NELL2: variants seen among roughly 807,000 people sequenced by gnomAD.
NELL2 encodes protein kinase C-binding protein NELL2.
A neutral mutation model predicts 109.6 loss-of-function variants in NELL2; 41 were observed. The observed-to-expected ratio is 0.37, with a 90% CI of 0.29 to 0.49. The LOEUF (loss-of-function observed/expected upper bound fraction) is 0.49, where lower values mean the gene tolerates loss of function less well. Among genes scored for constraint, NELL2 ranks in the 20% least tolerant of loss-of-function variants. The probability of loss-of-function intolerance (pLI) is 0.98; values close to 1 mark genes in which losing one functional copy is unlikely to be tolerated. For synonymous variants in NELL2, 355 were observed against 344.7 expected, an observed-to-expected ratio of 1.03 and a Z score of -0.33; for missense variants, 900 against 1,008.3, an observed-to-expected ratio of 0.89 and a Z score of 1.45.
At chr12:44,795,548 T>C (rs1320062102) in intron 3 of NELL2, among the ~76,000 whole-genome samples, 2 of 152,150 alleles carry the variant, frequency 1.3e-5, no homozygotes, top group Admixed American at 6.6e-5. Flanking sequence ...CAATTTGGCA[T>C]CATTTATAAG....
chr12:44,715,848 A>AT (rs1938457199), intron 9 of NELL2, among the ~76,000 whole-genome samples: 1 of 152,200 alleles, frequency 6.6e-6, no homozygotes, highest in Admixed American at 6.6e-5. Context: ...CACTGTGTGA[A>AT]TTATGAGAAA....
rs1265767948 is a variant in NELL2, at chr12:44,644,625, TACATAC to T, written c.1444+20853_1444+20858del. The stretch of plus-strand genomic sequence containing the variant: ...ATATGTATGTATATATATATATATA[TACATAC>T]ATATATATATATATATATACACACA... On this transcript the variant is annotated intron_variant, in intron 13 of 19. Coordinates refer to ENST00000429094, the MANE Select transcript of NELL2 (RefSeq NM_001145108.2). Among the ~76,000 whole-genome samples, 47 of 98,702 alleles carry T rather than the reference TACATAC, an allele frequency of 4.8e-4. No individual in the cohort carries two copies. In the East Asian group the frequency reaches 8.5e-3, roughly 18 times the overall value. The allele number at this position is 98,702 out of a possible 152,430, so 64.8% of individuals were successfully genotyped here.
chr12:44,659,620 A>G (rs1005430799), intron 13 of NELL2, among the ~76,000 whole-genome samples: 2 of 152,226 alleles, frequency 1.3e-5, no homozygotes, highest in African/African-American at 4.8e-5. Flanking sequence ...TCTGGTCATT[A>G]GTGATAACTT....
At chr12:44,793,299 A>T (rs554428375) in intron 3 of NELL2, among the ~76,000 whole-genome samples, 2 of 152,352 alleles carry the variant, frequency 1.3e-5, no homozygotes, top group East Asian at 3.9e-4. Context: ...GACACCAGCC[A>T]GAGAGTCCCT....
chr12:44,775,339 G>A (rs1381122785), intron 8 of NELL2, among the ~76,000 whole-genome samples: 4 of 149,166 alleles, frequency 2.7e-5, no homozygotes, highest in Non-Finnish European at 1.5e-5. Flanking sequence ...GATGAACTTT[G>A]AGAAATTTTT....
intron 1 of NELL2, among the ~76,000 whole-genome samples, chr12:44,901,351 A>G (rs770236333): frequency 6.6e-6 from 1 of 152,254 alleles, no homozygotes; most frequent in Non-Finnish European, 1.5e-5. Context: ...TAAACCAGGA[A>G]GAAGTCGAAT....
Position 44,743,015 on chromosome 12 carries a change from T to C in NELL2, c.995-28274A>G, listed in dbSNP as rs572078000. ...ACGTAATTGTCAGATTCACCAAAGT[T>C]GAAATGAAGGAAAAAATGTTAAGGG... On this transcript the variant is annotated intron_variant, in intron 9 of 19. Transcript: ENST00000429094. Among the ~76,000 whole-genome samples the C allele has an allele frequency of 5.3e-3, 804 of 151,758 alleles. 8 individuals are homozygous for C. The highest frequency in any genetic ancestry group is 0.018 in the African/African-American group (754 of 41,384).
intron 3 of NELL2, among the ~76,000 whole-genome samples, chr12:44,784,383 A>T (rs1370567300): frequency 6.6e-6 from 1 of 152,142 alleles, no homozygotes; most frequent in Non-Finnish European, 1.5e-5. Context: ...AATACAGAAT[A>T]GAAAGGAAGA....
chr12:44,569,292 AT>A lies in NELL2; in HGVS notation c.1664-36572del, dbSNP rs1270276201. 1.9e-4 allele frequency among the ~76,000 whole-genome samples: 29 copies of A among 152,256 alleles called. 1 individual carries two copies. In the South Asian group the frequency reaches 3.9e-3, roughly 21 times the overall value. ...CTTATGCAGTCTACCATTAATGAGT[AT>A]TTAGGTTGATTCCATGTTTTCACTA... On this transcript the variant is annotated intron_variant, in intron 15 of 19. Transcript: ENST00000429094.
chr12:44,921,441 G>A (rs1483097948), intron 1 of NELL2, among the ~76,000 whole-genome samples: 1 of 152,142 alleles, frequency 6.6e-6, no homozygotes, highest in Non-Finnish European at 1.5e-5. Context: ...ATAGCAAGAT[G>A]GGTCAGAGAG....
intron 5 of NELL2, 90 bp from the exon 6 acceptor site, chr12:44,777,404 G>A (rs1374640011): frequency 2.0e-6 from 2 of 986,588 alleles, no homozygotes; most frequent in Non-Finnish European, 3.2e-6. Flanking sequence ...AAATATTACA[G>A]AACACACTCA....
At chr12:44,583,176 C>T (rs758294549) in intron 15 of NELL2, among the ~76,000 whole-genome samples, 8 of 152,092 alleles carry the variant, frequency 5.3e-5, no homozygotes, top group Non-Finnish European at 7.3e-5. Flanking sequence ...AAGGAAGGTA[C>T]GGTGGAAGAA....
chr12:44,550,824 TAGC>T (rs376577833), intron 15 of NELL2, among the ~76,000 whole-genome samples: 353 of 152,226 alleles, frequency 2.3e-3, no homozygotes, highest in African/African-American at 8.2e-3. Context: ...GCCAAACTCA[TAGC>T]AGCAAGGTAG....
chr12:44,608,672 C>A (rs938351650), intron 14 of NELL2, among the ~76,000 whole-genome samples: 5 of 151,770 alleles, frequency 3.3e-5, no homozygotes, highest in Admixed American at 6.6e-5. Flanking sequence ...GAACTTTATT[C>A]TTCATACTAC....
At chr12:44,562,439 G>C (rs923892846) in intron 15 of NELL2, among the ~76,000 whole-genome samples, 3 of 152,084 alleles carry the variant, frequency 2.0e-5, no homozygotes, top group African/African-American at 4.8e-5. Flanking sequence ...CTAATATCCA[G>C]AATCTACAAA....
At chr12:44,539,679 C>T (rs1040395190) in intron 15 of NELL2, among the ~76,000 whole-genome samples, 3 of 152,006 alleles carry the variant, frequency 2.0e-5, no homozygotes, top group African/African-American at 7.3e-5. Context: ...TCCTTCACCT[C>T]CAAAATTTCC....
chr12:44,623,922 T>A (rs1566038126), intron 13 of NELL2, among the ~76,000 whole-genome samples: 1 of 151,286 alleles, frequency 6.6e-6, no homozygotes, highest in Non-Finnish European at 1.5e-5. Flanking sequence ...CACTCATGAG[T>A]GAGAGTTGAA....
intron 9 of NELL2, among the ~76,000 whole-genome samples, chr12:44,764,729 A>T (rs986552371): frequency 2.6e-5 from 4 of 152,182 alleles, no homozygotes; most frequent in Admixed American, 1.3e-4. Flanking sequence ...TCATCTGTAA[A>T]TTGGGAGCCA....
chr12:44,788,381 A>G (rs1942258304), intron 3 of NELL2, among the ~76,000 whole-genome samples: 1 of 152,200 alleles, frequency 6.6e-6, no homozygotes, highest in African/African-American at 2.4e-5. Flanking sequence ...TCTTCTCCCA[A>G]ACACACACCC....
Sources: gnomAD v4.1 joint callset for allele counts (sites outside exome capture counted in the v4.1 genomes callset) on GRCh38, gnomAD v4.1.1 for gene constraint, MANE v1.5 for transcripts, NCBI Gene and HGNC (gene_info 2026-07-23, HGNC 2026-07-21) for gene names.